The following TCF25 variants were observed in gnomAD, a reference collection of about 807,000 sequenced individuals.
TCF25 encodes TCF25 ribosome quality control complex subunit.
Under a neutral mutation model 83.1 loss-of-function variants are expected in TCF25, and 41 were observed. The observed-to-expected ratio is 0.49, with a 90% CI of 0.38 to 0.64. The LOEUF (loss-of-function observed/expected upper bound fraction) is 0.64. TCF25 is among the 30% of genes least tolerant of loss of function. TCF25 has a pLI of 0.00. For synonymous variants in TCF25, 458 were observed against 365.0 expected (o/e 1.25, Z -2.90); for missense variants, 979 against 914.5 (o/e 1.07, Z -0.91).
intron 6 of TCF25, among the ~76,000 whole-genome samples, chr16:89,892,891 A>G (rs945030030): frequency 7.2e-5 from 11 of 152,168 alleles, no homozygotes; most frequent in Non-Finnish European, 5.9e-5. Context: ...GGTGATCGGC[A>G]TGGCTGCTGC....
chr16:89,890,571 T>C (rs2043353697), intron 5 of TCF25: 1 of 152,222 alleles, frequency 6.6e-6, no homozygotes, highest in South Asian at 2.1e-4. Context: ...TATTTTACTT[T>C]ACATTTTTGG....
At chr16:89,903,691 C>T (rs2044536228) in intron 12 of TCF25, among the ~76,000 whole-genome samples, 1 of 152,130 alleles carries the variant, frequency 6.6e-6, no homozygotes, top group Non-Finnish European at 1.5e-5. Flanking sequence ...CCTGTGATCC[C>T]AGCTACTCGG....
chr16:89,883,778 C>CG, intron 2 of TCF25: 1 of 388,226 alleles, frequency 2.6e-6, no homozygotes, highest in African/African-American at 2.3e-5. Context: ...CCCTCCTAGC[C>CG]AACCGCGCAC....
rs73276578 is a variant in TCF25, at chr16:89,904,158, C to T, written c.1422C>T (p.Asp474=). 13,971 of 1,604,880 alleles carry T rather than the reference C, an allele frequency of 8.7e-3. 1,014 individuals are homozygous for T. The African/African-American group carries it at 0.16, about 19-fold the overall frequency. ...TCGAGTCTTGCAGTGTGCGGCCCGA[C>T]GCCAGCGTTTCCAGTCACCGCTTCT... ...PLLESCSVRP[D]ASVSSHRFFG... is the part of the protein sequence containing the mutation. The change falls in exon 13 of 18, where the codon GAC becomes GAT. Residue 474 remains aspartate (D), a synonymous_variant. Transcript: ENST00000263346.
intron 13 of TCF25, chr16:89,904,610 C>T (rs114881016): frequency 1.0e-4 from 52 of 504,402 alleles, no homozygotes; most frequent in Non-Finnish European, 1.7e-4. Context: ...GGAGCAAACA[C>T]AGGAGAAAGT....
At position 89,900,779 on chromosome 16, in the gene TCF25, A is replaced by C. The variant is rs749438451; in HGVS notation, c.1366A>C (p.Thr456Pro). Reference protein sequence around the residue: ...KASLLIQQALTMFPGVLLPLL... With the variant: ...KASLLIQQALPMFPGVLLPLL... ...CTCTCTCCTGATACAGCAGGCGCTC[A>C]CCATGTTCCCTGGAGGTGAGTGAGC... Residue 456 changes from threonine (T) to proline (P), a missense_variant, in exon 12 of 18, where the codon ACC (threonine) becomes CCC (proline). Coordinates refer to ENST00000263346, the MANE Select transcript of TCF25 (RefSeq NM_014972.3). The C allele has an allele frequency of 1.2e-5, 19 of 1,580,454 alleles. No homozygotes were observed. Among genetic ancestry groups the C allele is most frequent in the Non-Finnish European group, 1.6e-5 (19 of 1,152,348 alleles).
At position 89,881,865 on chromosome 16, in the gene TCF25, C is replaced by A. The variant is rs369444610; in HGVS notation, c.193-1486C>A. ...TGCCTCCCGGATTCAAGCAATTCTCCTGCCTCGGCCTCCCGAGTAGCTGGG... is the reference window on the plus strand; with the variant it reads ...TGCCTCCCGGATTCAAGCAATTCTCATGCCTCGGCCTCCCGAGTAGCTGGG... On this transcript the variant is annotated intron_variant, in intron 1 of 17. Transcript: ENST00000263346. Among the ~76,000 whole-genome samples the A allele has an allele frequency of 5.5e-4, 84 of 152,326 alleles. 1 individual carries two copies. The highest frequency in any genetic ancestry group is 1.8e-3 in the African/African-American group (75 of 41,576).
rs1419615427 is a variant in TCF25 at position 89,873,845 on chromosome 16, A to G, written c.178A>G (p.Asn60Asp). The G allele has an allele frequency of 6.4e-7, 1 of 1,557,946 alleles. No individual in the cohort carries two copies. Residue 60 changes from asparagine to aspartate, a missense_variant, in exon 1 of 18, where the codon AAC (asparagine) becomes GAC (aspartate). Asn to Asp is a conservative substitution (Grantham distance 23, BLOSUM62 1). Transcript: ENST00000263346. ...AGGGAAGGAGGGCGTCCGAGTCAAC[A>G]ACCGCTTCGAGCTGGTGAGGAGCGC... ...GAGKEGVRVNNRFELINIDDL... is the reference protein window; with the variant it reads ...GAGKEGVRVNDRFELINIDDL...
intron 5 of TCF25, among the ~76,000 whole-genome samples, chr16:89,890,784 G>A (rs1400682455): frequency 6.6e-6 from 1 of 151,936 alleles, no homozygotes; most frequent in Non-Finnish European, 1.5e-5. Flanking sequence ...TATTATAACT[G>A]TTAATACTGA....
At chr16:89,875,254 G>C (rs947607657) in intron 1 of TCF25, among the ~76,000 whole-genome samples, 1 of 152,280 alleles carries the variant, frequency 6.6e-6, no homozygotes, top group African/African-American at 2.4e-5. Context: ...GTGAAATGCA[G>C]CACCTAGCTA....
intron 2 of TCF25, chr16:89,883,823 C>T (rs1597284405): frequency 7.3e-6 from 2 of 273,124 alleles, no homozygotes; most frequent in African/African-American, 2.8e-5. Flanking sequence ...CACGTGTGTG[C>T]CTCCTAGCCG....
chr16:89,897,662 G>C (rs553403545), intron 9 of TCF25, among the ~76,000 whole-genome samples: 2 of 152,344 alleles, frequency 1.3e-5, no homozygotes, highest in South Asian at 2.1e-4. Context: ...GCTGTTGATG[G>C]AAGTAGCAGC....
intron 16 of TCF25, chr16:89,910,271 A>C: frequency 2.4e-6 from 1 of 413,570 alleles, no homozygotes; most frequent in Non-Finnish European, 4.4e-6. Flanking sequence ...TTGAAACTGC[A>C]GCTTTTCTGA....
intron 11 of TCF25, among the ~76,000 whole-genome samples, chr16:89,899,276 G>A (rs1432110702): frequency 6.6e-6 from 1 of 152,228 alleles, no homozygotes; most frequent in African/African-American, 2.4e-5. Flanking sequence ...CCCCCAGCAC[G>A]TCTGTCCTGT....
intron 1 of TCF25, among the ~76,000 whole-genome samples, chr16:89,881,786 G>A (rs373304307): frequency 2.6e-5 from 4 of 151,632 alleles, no homozygotes; most frequent in African/African-American, 7.3e-5. Context: ...ATGGAATCTC[G>A]CCTTATCACC....
At chr16:89,908,718 CTCCCGCCTCCCAG>C (rs2045273356) in intron 16 of TCF25, among the ~76,000 whole-genome samples, 1 of 113,044 alleles carries the variant, frequency 8.8e-6, no homozygotes, top group African/African-American at 3.9e-5. Flanking sequence ...CACCTCCCGG[CTCCCGCCTCCCAG>C]CTCCCAGCTC....
intron 1 of TCF25, among the ~76,000 whole-genome samples, chr16:89,882,536 C>G (rs1232007851): frequency 6.6e-6 from 1 of 150,574 alleles, no homozygotes; most frequent in Non-Finnish European, 1.5e-5. Flanking sequence ...GACTCTGTCT[C>G]AAAAAGAGAG....
At chr16:89,909,048 A>C (rs1363444689) in intron 16 of TCF25, 2 of 1,289,392 alleles carry the variant, frequency 1.6e-6, no homozygotes, top group Non-Finnish European at 2.0e-6. Context: ...ATCTCCACCG[A>C]ATGTACAAGC....
Position 89,884,571 on chromosome 16 carries a change from T to C in TCF25, c.355-11T>C. The C allele has an allele frequency of 6.2e-7, 1 of 1,612,894 alleles. No homozygotes were observed. The highest frequency in any genetic ancestry group is 2.2e-5 in the East Asian group (1 of 44,874). On this transcript the variant is annotated splice_polypyrimidine_tract_variant and intron_variant, in intron 2 of 17. Coordinates refer to ENST00000263346, the MANE Select transcript of TCF25 (RefSeq NM_014972.3). ...CTCATTCTACTGATGAAAATGTGTTTCTATCATTAGTCTCATGCAAGTGGC... is the reference window on the plus strand; with the variant it reads ...CTCATTCTACTGATGAAAATGTGTTCCTATCATTAGTCTCATGCAAGTGGC...
Sources: allele counts gnomAD v4.1 joint callset (sites outside exome capture counted in the v4.1 genomes callset), GRCh38; gene constraint gnomAD v4.1.1; transcripts MANE v1.5; gene names NCBI Gene and HGNC (gene_info 2026-07-23, HGNC 2026-07-21).